Variants in DLC1 observed in about 807,000 individuals in gnomAD.
The protein encoded by DLC1 is DLC1 Rho GTPase activating protein, also known as rho GTPase-activating protein 7.
In DLC1, 54 loss-of-function variants were observed where a neutral mutation model predicts 140.3. The ratio of observed to expected loss-of-function variants is 0.38; its 90% CI spans 0.31 to 0.48. DLC1 has a LOEUF of 0.48. Ranked by LOEUF, DLC1 falls within the 20% of genes least tolerant of loss-of-function variation. DLC1 has a pLI of 0.96. For synonymous variants in DLC1, 986 were observed against 728.1 expected (o/e 1.35, Z -5.70); for missense variants, 2,536 against 1,907.0 (o/e 1.33, Z -6.14).
intron 4 of DLC1, among the ~76,000 whole-genome samples, chr8:13,379,906 A>G (rs1458062042): frequency 6.6e-6 from 1 of 152,212 alleles, no homozygotes; most frequent in Non-Finnish European, 1.5e-5. Context: ...CAGAAAACGA[A>G]ACACCGCATG....
intron 5 of DLC1, among the ~76,000 whole-genome samples, chr8:13,274,856 A>T (rs1831097757): frequency 6.6e-6 from 1 of 152,260 alleles, no homozygotes; most frequent in Admixed American, 6.5e-5. Context: ...TAAACAAGAC[A>T]AATATGAAGA....
chr8:13,123,682 C>G (rs370938226), intron 5 of DLC1, among the ~76,000 whole-genome samples: 2 of 151,984 alleles, frequency 1.3e-5, no homozygotes, highest in East Asian at 3.9e-4. Context: ...TTTATTTTTT[C>G]TTCTTCCACA....
intron 4 of DLC1, among the ~76,000 whole-genome samples, chr8:13,367,067 T>G (rs901542816): frequency 2.0e-5 from 3 of 152,196 alleles, no homozygotes; most frequent in African/African-American, 4.8e-5. Context: ...TTCTGTATTT[T>G]ATAATGCTAA....
At chr8:13,162,815 A>T (rs779956032) in intron 5 of DLC1, among the ~76,000 whole-genome samples, 1 of 152,150 alleles carries the variant, frequency 6.6e-6, no homozygotes, top group Non-Finnish European at 1.5e-5. Flanking sequence ...GTGTGGTGTC[A>T]TGCTCCTGTA....
At chr8:13,174,528 T>C (rs2116943388) in intron 5 of DLC1, among the ~76,000 whole-genome samples, 1 of 152,258 alleles carries the variant, frequency 6.6e-6, no homozygotes, top group South Asian at 2.1e-4. Context: ...CCAGCATCTG[T>C]TATCTTTTTG....
intron 1 of DLC1, among the ~76,000 whole-genome samples, chr8:13,577,917 T>C (rs1194446574): frequency 6.6e-6 from 1 of 152,114 alleles, no homozygotes; most frequent in East Asian, 1.9e-4. Context: ...TGATTAAAAT[T>C]AAGTCCTTGG....
chr8:13,507,451 A>G lies in DLC1; in HGVS notation c.-126+7151T>C, dbSNP rs143787067. On this transcript the variant is annotated intron_variant, in intron 1 of 17. Coordinates refer to ENST00000276297, the MANE Select transcript of DLC1 (RefSeq NM_182643.3). ...TTAGTGTTTTTCCTTTAAAATATTC[A>G]TGTTATCTAATCTAAATTAGACAAG... Among the ~76,000 whole-genome samples the G allele has an allele frequency of 1.5e-3, 236 of 152,336 alleles. 1 individual carries two copies. Among genetic ancestry groups the G allele is most frequent in the African/African-American group, 5.6e-3 (231 of 41,574 alleles).
At chr8:13,330,503 T>C in intron 4 of DLC1, among the ~76,000 whole-genome samples, 1 of 152,224 alleles carries the variant, frequency 6.6e-6, no homozygotes, top group Non-Finnish European at 1.5e-5. Context: ...TTTAGCAGAA[T>C]GTTGTGTATT....
Position 13,154,559 on chromosome 8 carries a change from C to G in DLC1, c.1349-38902G>C, listed in dbSNP as rs919744170. On this transcript the variant is annotated intron_variant, in intron 5 of 17. Transcript: ENST00000276297. ...GCCCACGAGTGCCAGTGCGCAGCCC[C>G]GGTTCCTGCTGGCGCCTCTCCCTCC... Among the ~76,000 whole-genome samples, 98 of 152,312 alleles carry G rather than the reference C, an allele frequency of 6.4e-4. 1 individual carries two copies. Among genetic ancestry groups the G allele is most frequent in the African/African-American group, 2.2e-3 (93 of 41,574 alleles).
intron 1 of DLC1, among the ~76,000 whole-genome samples, chr8:13,552,812 T>G (rs1803911496): frequency 6.6e-6 from 1 of 151,970 alleles, no homozygotes; most frequent in Admixed American, 6.6e-5. Flanking sequence ...ATTCTCTTAT[T>G]AAAAGAAAGT....
chr8:13,539,165 T>C (rs918708648), intron 1 of DLC1, among the ~76,000 whole-genome samples: 2 of 148,004 alleles, frequency 1.4e-5, no homozygotes, highest in African/African-American at 5.1e-5. Flanking sequence ...TTTCAGTAGA[T>C]CTGCAAATTG....
chr8:13,531,737 C>G (rs1453233227), intron 1 of DLC1, among the ~76,000 whole-genome samples: 1 of 152,172 alleles, frequency 6.6e-6, no homozygotes, highest in Admixed American at 6.5e-5. Context: ...GTGCTGAAAT[C>G]TTATCCTTCC....
intron 1 of DLC1, among the ~76,000 whole-genome samples, chr8:13,521,783 T>C (rs1692033159): frequency 1.3e-5 from 2 of 152,192 alleles, no homozygotes; most frequent in Admixed American, 1.3e-4. Flanking sequence ...CAAATATGCC[T>C]GTTCTGTCTT....
intron 5 of DLC1, among the ~76,000 whole-genome samples, chr8:13,239,587 T>C (rs1388337612): frequency 3.9e-5 from 6 of 152,128 alleles, no homozygotes; most frequent in South Asian, 2.1e-4. Context: ...CAGGCCAATA[T>C]TATACCATGC....
At chr8:13,398,710 A>T (rs1349572273) in intron 3 of DLC1, among the ~76,000 whole-genome samples, 1 of 152,162 alleles carries the variant, frequency 6.6e-6, no homozygotes, top group Non-Finnish European at 1.5e-5. Flanking sequence ...GAACAGAGCA[A>T]TGGAATTTGA....
intron 4 of DLC1, among the ~76,000 whole-genome samples, chr8:13,370,470 G>T (rs148170800): frequency 6.6e-6 from 1 of 151,994 alleles, no homozygotes. Flanking sequence ...CTGTCTGTGG[G>T]TTACACTCCA....
intron 1 of DLC1, among the ~76,000 whole-genome samples, chr8:13,550,443 A>C (rs1315168859): frequency 6.6e-6 from 1 of 152,072 alleles, no homozygotes; most frequent in African/African-American, 2.4e-5. Context: ...TAGCAATGTG[A>C]GAAGACTAAT....
rs187428669 is a variant in DLC1, at chr8:13,587,888, T to A, written c.-126+16649A>T. On this transcript the variant is annotated intron_variant, in intron 1 of 1. Transcript: ENST00000631382. The stretch of plus-strand genomic sequence containing the variant: ...CCAATTACTATAACTTTCTCACCCT[T>A]CCCCTCATGGCAGTATGATTTTACA... Among the ~76,000 whole-genome samples, 7 of 152,062 alleles carry A rather than the reference T, an allele frequency of 4.6e-5. No homozygotes were observed. The East Asian group carries it at 1.4e-3, about 29-fold the overall frequency.
At chr8:13,300,037 G>A (rs1250810202) in intron 5 of DLC1, among the ~76,000 whole-genome samples, 1 of 152,140 alleles carries the variant, frequency 6.6e-6, no homozygotes, top group Non-Finnish European at 1.5e-5. Context: ...CAACCCAAAT[G>A]CCCATCAGTG....
Sources: allele counts gnomAD v4.1 joint callset (sites outside exome capture counted in the v4.1 genomes callset), GRCh38; gene constraint gnomAD v4.1.1; transcripts MANE v1.5; gene names NCBI Gene and HGNC (gene_info 2026-07-23, HGNC 2026-07-21).